Variants in CNOT6 observed in about 807,000 individuals in gnomAD.
The protein encoded by CNOT6 is CCR4-NOT transcription complex subunit 6, also known as carbon catabolite repression 4 protein.
Under a neutral mutation model 61.2 loss-of-function variants are expected in CNOT6, and 12 were observed. The ratio of observed to expected loss-of-function variants is 0.20; its 90% confidence interval spans 0.13 to 0.32. The LOEUF is 0.32. CNOT6 is among the 10% of genes least tolerant of loss of function. The pLI is 1.00. For missense variants in CNOT6, 405 were observed against 663.9 expected, an observed-to-expected ratio of 0.61 and a Z score of 4.28; for synonymous variants, 225 against 240.6, an observed-to-expected ratio of 0.94 and a Z score of 0.60.
intron 2 of CNOT6, 46 bp downstream of exon 2, chr5:180,529,434 G>A (rs775730182): frequency 3.5e-6 from 4 of 1,146,226 alleles, no homozygotes; most frequent in Non-Finnish European, 5.2e-6. Flanking sequence ...TTAAGATATG[G>A]TAGTAAACTG....
chr5:180,553,604 A>G (rs973038427), intron 4 of CNOT6, 133 bp downstream of exon 4: 3 of 644,042 alleles, frequency 4.7e-6, no homozygotes, highest in Non-Finnish European at 8.1e-6. Flanking sequence ...TCTTAGCTAT[A>G]TCGCAATGGT....
intron 1 of CNOT6, among the ~76,000 whole-genome samples, chr5:180,508,106 G>A (rs1406802342): frequency 8.1e-6 from 1 of 123,192 alleles, no homozygotes; most frequent in African/African-American, 2.8e-5. Flanking sequence ...GACTATGGGT[G>A]TGAGACTGTT....
At chr5:180,500,597 G>A (rs534736902) in intron 1 of CNOT6, among the ~76,000 whole-genome samples, 17 of 152,146 alleles carry the variant, frequency 1.1e-4, no homozygotes, top group Non-Finnish European at 2.1e-4. Flanking sequence ...ATCATGCCTG[G>A]CTAATTCAAA....
intron 1 of CNOT6, among the ~76,000 whole-genome samples, chr5:180,513,303 C>G (rs1757483329): frequency 6.6e-6 from 1 of 152,170 alleles, no homozygotes; most frequent in Non-Finnish European, 1.5e-5. Flanking sequence ...GATTTTCCCT[C>G]TTCAGCCTCC....
intron 1 of CNOT6, among the ~76,000 whole-genome samples, chr5:180,504,056 A>G (rs1297347083): frequency 6.6e-6 from 1 of 152,240 alleles, no homozygotes; most frequent in African/African-American, 2.4e-5. Context: ...ACTAAGTGGC[A>G]GAATCTTTGT....
At chr5:180,571,515 G>A (rs915664198) in intron 11 of CNOT6, 83 bp downstream of exon 11, 10 of 991,126 alleles carry the variant, frequency 1.0e-5, no homozygotes, top group Non-Finnish European at 1.4e-5. Context: ...TTAAAACTGT[G>A]GCTGTGTGTT....
intron 4 of CNOT6, among the ~76,000 whole-genome samples, chr5:180,563,854 G>C (rs1760314158): frequency 1.3e-5 from 2 of 152,122 alleles, no homozygotes; most frequent in South Asian, 4.1e-4. Context: ...GATTCTTGTA[G>C]GTATATGTAA....
At chr5:180,550,498 G>A (rs1247326538) in intron 3 of CNOT6, among the ~76,000 whole-genome samples, 2 of 152,068 alleles carry the variant, frequency 1.3e-5, no homozygotes, top group Non-Finnish European at 2.9e-5. Context: ...AAACAAAACT[G>A]TTCATTTAAT....
intron 2 of CNOT6, among the ~76,000 whole-genome samples, chr5:180,539,646 G>GT (rs1308115376): frequency 8.7e-6 from 1 of 114,700 alleles, no homozygotes; most frequent in African/African-American, 3.4e-5. Flanking sequence ...CTGGAGTGCA[G>GT]TGGTGTGATC....
At chr5:180,553,154 T>G (rs1224668024) in intron 3 of CNOT6, among the ~76,000 whole-genome samples, 2 of 152,220 alleles carry the variant, frequency 1.3e-5, no homozygotes, top group East Asian at 3.8e-4. Flanking sequence ...GGGTCTTACA[T>G]TTTGTCCTTT....
chr5:180,525,163 C>T (rs1038442501), intron 1 of CNOT6, among the ~76,000 whole-genome samples: 11 of 152,102 alleles, frequency 7.2e-5, no homozygotes, highest in African/African-American at 1.9e-4. Context: ...TTTTATCTCA[C>T]CATTTATATT....
At chr5:180,522,676 G>T (rs747975955) in intron 1 of CNOT6, among the ~76,000 whole-genome samples, 2 of 151,610 alleles carry the variant, frequency 1.3e-5, no homozygotes, top group Admixed American at 6.6e-5. Flanking sequence ...TTTGAGACAG[G>T]GTCTCACTCT....
At chr5:180,501,382 A>G (rs1756860848) in intron 1 of CNOT6, among the ~76,000 whole-genome samples, 1 of 152,172 alleles carries the variant, frequency 6.6e-6, no homozygotes, top group Non-Finnish European at 1.5e-5. Context: ...AACTTGGGAA[A>G]CAGAAGAACA....
At position 180,557,099 on chromosome 5, in the gene CNOT6, G is replaced by A. The variant is rs941259523; in HGVS notation, c.385+3628G>A. On this transcript the variant is annotated intron_variant, in intron 4 of 11. Coordinates refer to ENST00000261951, the MANE Select transcript of CNOT6 (RefSeq NM_001370472.1). ...TTGTTCCTTTAAATAGACAAAAGTA[G>A]TAGTCTATGATATAAATGTCTCGTG... Among the ~76,000 whole-genome samples the A allele has an allele frequency of 3.9e-5, 6 of 152,196 alleles. 1 individual carries two copies. Among genetic ancestry groups the A allele is most frequent in the Non-Finnish European group, 8.8e-5 (6 of 68,030 alleles).
chr5:180,551,908 C>T (rs1302556220), intron 3 of CNOT6, among the ~76,000 whole-genome samples: 3 of 148,456 alleles, frequency 2.0e-5, no homozygotes, highest in South Asian at 2.1e-4. Flanking sequence ...TTACTCTTGT[C>T]GCCCAGACTG....
chr5:180,547,364 A>G (rs922059751), intron 2 of CNOT6, among the ~76,000 whole-genome samples: 8 of 151,978 alleles, frequency 5.3e-5, no homozygotes, highest in African/African-American at 1.7e-4. Flanking sequence ...TACTAAAAAT[A>G]TGAAACTTAG....
At chr5:180,556,679 G>A (rs914107962) in intron 4 of CNOT6, among the ~76,000 whole-genome samples, 9 of 152,208 alleles carry the variant, frequency 5.9e-5, no homozygotes, top group Middle Eastern at 3.2e-3. Context: ...CATCCCGGGC[G>A]CAGTGGCTCA....
chr5:180,521,200 G>A (rs551731876), intron 1 of CNOT6, among the ~76,000 whole-genome samples: 2 of 152,298 alleles, frequency 1.3e-5, no homozygotes, highest in Non-Finnish European at 2.9e-5. Flanking sequence ...AGGAAAGAGG[G>A]AAATTAATCT....
chr5:180,512,257 A>G (rs758430993), intron 1 of CNOT6, among the ~76,000 whole-genome samples: 24 of 152,204 alleles, frequency 1.6e-4, no homozygotes, highest in Admixed American at 3.3e-4. Context: ...TGTGGAGGCT[A>G]GGTGGGAAGG....
Sources: allele counts gnomAD v4.1 joint callset (sites outside exome capture counted in the v4.1 genomes callset), GRCh38; gene constraint gnomAD v4.1.1; transcripts MANE v1.5; gene names NCBI Gene and HGNC (gene_info 2026-07-23, HGNC 2026-07-21).